MTUS1: variants seen among roughly 807,000 people sequenced by gnomAD.
MTUS1 encodes microtubule-associated tumor suppressor 1.
Under a neutral mutation model 120.8 loss-of-function variants are expected in MTUS1, and 109 were observed. That is an observed-to-expected ratio of 0.90 (90% CI 0.77 to 1.06). MTUS1 has a LOEUF of 1.06. Ranked by LOEUF, MTUS1 falls within the 50% of genes least tolerant of loss-of-function variation. The pLI is 0.00. For missense variants in MTUS1, 2,210 were observed against 1,486.3 expected, an observed-to-expected ratio of 1.49 and a Z score of -8.01; for synonymous variants, 737 against 550.5, an observed-to-expected ratio of 1.34 and a Z score of -4.74.
In MTUS1 at chr8:17,754,335, G is replaced by A; in HGVS notation, c.1473C>T (p.Gly491=). ...TAATTTCAGTTTTTCTAACTTTGCA[G>A]CCTATTGGGGTATTCGTTTTGATTG... is the stretch of plus-strand genomic sequence containing the variant. ...KSTIKTNTPI[G]CKVRKTEIIS... is the part of the protein sequence containing the mutation. The change falls in exon 2 of 15, where the codon GGC becomes GGT. Residue 491 remains glycine (G), a synonymous_variant. Coordinates refer to ENST00000693296, the MANE Select transcript of MTUS1 (RefSeq NM_001363059.2). 6.2e-7 allele frequency: 1 copy of A among 1,614,082 alleles called. No individual in the cohort carries two copies. Among genetic ancestry groups the A allele is most frequent in the South Asian group, 1.1e-5 (1 of 91,080 alleles).
rs1473178727 is a variant in MTUS1, at chr8:17,647,291, G to A, written c.3502-212C>T. The A allele has an allele frequency of 1.0e-5, 5 of 496,632 alleles. No homozygotes were observed. In the South Asian group the frequency reaches 1.4e-4, roughly 14 times the overall value. The allele number at this position is 496,632 out of a possible 1,614,324, so 30.8% of individuals were successfully genotyped here. A position where few individuals can be genotyped will look rare whatever the true frequency, so the allele number is the denominator to read the frequency against. ...GGTATTTTTAAAACATGTATGCCAG[G>A]ACACTTAAATATTGATACGAGTGGG... On this transcript the variant is annotated intron_variant, in intron 13 of 14. Transcript: ENST00000693296.
chr8:17,678,974 T>C (rs1424923215), intron 7 of MTUS1, among the ~76,000 whole-genome samples: 1 of 152,192 alleles, frequency 6.6e-6, no homozygotes, highest in African/African-American at 2.4e-5. Context: ...ATAACTTTAG[T>C]GTGTCTTCTG....
intron 1 of MTUS1, 54 bp downstream of exon 1, chr8:17,801,007 C>A (rs1234433207): frequency 6.6e-6 from 1 of 152,306 alleles, no homozygotes; most frequent in Admixed American, 6.5e-5. Flanking sequence ...GCTCGCCTGT[C>A]CCCTCCCCAC....
chr8:17,730,019 T>C (rs916033442), intron 3 of MTUS1, among the ~76,000 whole-genome samples: 2 of 147,352 alleles, frequency 1.4e-5, no homozygotes, highest in Admixed American at 1.3e-4. Flanking sequence ...AACAAAAAAT[T>C]AACAAGTGTT....
intron 3 of MTUS1, among the ~76,000 whole-genome samples, chr8:17,727,045 G>T (rs891470303): frequency 2.6e-5 from 4 of 151,998 alleles, no homozygotes; most frequent in African/African-American, 9.7e-5. Context: ...AGCTTACCCC[G>T]GCAACCAAAT....
At chr8:17,710,976 G>C (rs552808374) in intron 6 of MTUS1, among the ~76,000 whole-genome samples, 1 of 152,264 alleles carries the variant, frequency 6.6e-6, no homozygotes, top group East Asian at 1.9e-4. Context: ...GTAGTATTTT[G>C]AAAGACATCT....
rs143838076 is a variant in MTUS1 at position 17,772,009 on chromosome 8, G to T, written c.-154-16048C>A. ...GCCATGGTGGCCCAGAATTGTGCAG[G>T]GTAGTGGCCTGGATGACTTTTAAGA... is the stretch of plus-strand genomic sequence containing the variant. On this transcript the variant is annotated intron_variant, in intron 1 of 14. Transcript: ENST00000693296. Among the ~76,000 whole-genome samples, 54 of 152,284 alleles carry T rather than the reference G, an allele frequency of 3.5e-4. No homozygotes were observed. The East Asian group carries it at 0.01, about 29-fold the overall frequency.
chr8:17,718,995 C>G (rs187895515), intron 4 of MTUS1, among the ~76,000 whole-genome samples: 9 of 151,924 alleles, frequency 5.9e-5, no homozygotes, highest in African/African-American at 2.2e-4. Context: ...TATGGCAAAA[C>G]CCTGTCTCTA....
At chr8:17,735,632 G>A (rs1372423407) in intron 3 of MTUS1, among the ~76,000 whole-genome samples, 1 of 152,170 alleles carries the variant, frequency 6.6e-6, no homozygotes, top group Non-Finnish European at 1.5e-5. Context: ...GCTCCTGCAG[G>A]CGCATTCCAA....
At chr8:17,785,361 G>C (rs910865682) in intron 1 of MTUS1, among the ~76,000 whole-genome samples, 1 of 152,212 alleles carries the variant, frequency 6.6e-6, no homozygotes, top group Non-Finnish European at 1.5e-5. Flanking sequence ...TCCAGAAGAA[G>C]ATAAAGCTTG....
chr8:17,737,126 T>G (rs1468022715), intron 3 of MTUS1, among the ~76,000 whole-genome samples: 3 of 152,202 alleles, frequency 2.0e-5, no homozygotes, highest in African/African-American at 7.2e-5. Flanking sequence ...TCAAGACTTC[T>G]GCATGCACGT....
chr8:17,685,266 C>T (rs1001088564), intron 6 of MTUS1, among the ~76,000 whole-genome samples: 1 of 152,004 alleles, frequency 6.6e-6, no homozygotes, highest in Non-Finnish European at 1.5e-5. Context: ...CAAAATGCCA[C>T]GCTAAGTGAT....
intron 1 of MTUS1, among the ~76,000 whole-genome samples, chr8:17,765,994 A>G (rs890689505): frequency 6.6e-6 from 1 of 152,134 alleles, no homozygotes; most frequent in African/African-American, 2.4e-5. Context: ...TATATACTTT[A>G]CATACTATAA....
At chr8:17,670,075 G>A (rs1403294156) in intron 8 of MTUS1, among the ~76,000 whole-genome samples, 2 of 152,202 alleles carry the variant, frequency 1.3e-5, no homozygotes, top group African/African-American at 2.4e-5. Context: ...TGACATGCAC[G>A]TGGAGGATGG....
chr8:17,713,087 T>C, intron 6 of MTUS1, 127 bp downstream of exon 6: 1 of 766,790 alleles, frequency 1.3e-6, no homozygotes, highest in Non-Finnish European at 2.2e-6. Flanking sequence ...CATAAAAAGT[T>C]AGGTTTACAC....
chr8:17,685,149 T>A, intron 6 of MTUS1, among the ~76,000 whole-genome samples: 1 of 152,214 alleles, frequency 6.6e-6, no homozygotes, highest in East Asian at 1.9e-4. Context: ...TTGACTATAC[T>A]ATTCCATTTT....
chr8:17,691,578 G>A (rs79067936), intron 6 of MTUS1, among the ~76,000 whole-genome samples: 1 of 152,194 alleles, frequency 6.6e-6, no homozygotes, highest in African/African-American at 2.4e-5. Context: ...TGGATTCACA[G>A]TAAGATAACT....
At chr8:17,721,866 T>A in intron 4 of MTUS1, 1 of 1,614,100 alleles carries the variant, frequency 6.2e-7, no homozygotes, top group South Asian at 1.1e-5. Context: ...AAATATCAGT[T>A]TCTGTACAAC....
At chr8:17,772,081 C>A (rs1686616887) in intron 1 of MTUS1, among the ~76,000 whole-genome samples, 1 of 152,154 alleles carries the variant, frequency 6.6e-6, no homozygotes, top group South Asian at 2.1e-4. Flanking sequence ...TTATCTCCTT[C>A]CTCTCCTTTA....
Sources: allele counts gnomAD v4.1 joint callset (sites outside exome capture counted in the v4.1 genomes callset), GRCh38; gene constraint gnomAD v4.1.1; transcripts MANE v1.5; gene names NCBI Gene and HGNC (gene_info 2026-07-23, HGNC 2026-07-21).